MTFP1: variants seen among roughly 807,000 people sequenced by gnomAD.
MTFP1 encodes mitochondrial fission process protein 1.
A neutral mutation model predicts 17.1 loss-of-function variants in MTFP1; 19 were observed. The observed-to-expected ratio is 1.11, with a 90% CI of 0.77 to 1.63. The LOEUF (loss-of-function observed/expected upper bound fraction) is 1.63, where lower values mean the gene tolerates loss of function less well. Among genes scored for constraint, MTFP1 ranks in the 40% most tolerant of loss-of-function variants. The probability of loss-of-function intolerance (pLI) is 0.00; values close to 1 mark genes in which losing one functional copy is unlikely to be tolerated. For synonymous variants in MTFP1, 89 were observed against 95.2 expected, an observed-to-expected ratio of 0.93 and a Z score of 0.38; for missense variants, 221 against 226.2, an observed-to-expected ratio of 0.98 and a Z score of 0.15.
Position 30,426,855 on chromosome 22 carries a change from G to A in MTFP1, c.195+11G>A, listed in dbSNP as rs1934679232. ...AAGAAGGCTGGAGAGGTGAGTGTTAGCCTATTTTCCAACCCCCAACCCTAG... is the reference window on the plus strand; with the variant it reads ...AAGAAGGCTGGAGAGGTGAGTGTTAACCTATTTTCCAACCCCCAACCCTAG... On this transcript the variant is annotated intron_variant, in intron 2 of 3. Transcript: ENST00000266263. 4.4e-6 allele frequency: 7 copies of A among 1,607,336 alleles called. No individual in the cohort carries two copies. The highest frequency in any genetic ancestry group is 1.7e-5 in the Admixed American group (1 of 60,020).
intron 3 of MTFP1, 79 bp downstream of exon 3, chr22:30,427,482 A>C: frequency 6.8e-7 from 1 of 1,460,652 alleles, no homozygotes; most frequent in Non-Finnish European, 9.5e-7. Context: ...GTAGAGCTAG[A>C]CTCTGTGAAG....
intron 1 of MTFP1, 42 bp downstream of exon 1, chr22:30,425,988 G>T (rs1243442951): frequency 6.9e-7 from 1 of 1,450,286 alleles, no homozygotes; most frequent in Non-Finnish European, 9.1e-7. Flanking sequence ...ACCACCACTG[G>T]GCTGGAGAAG....
chr22:30,428,110 C>T (rs1469532757), intron 3 of MTFP1, among the ~76,000 whole-genome samples: 3 of 152,176 alleles, frequency 2.0e-5, no homozygotes, highest in African/African-American at 4.8e-5. Context: ...GCTTGGGTCA[C>T]GTGCTTGGTC....
Position 30,425,792 on chromosome 22 carries a change from T to C in MTFP1, c.-88T>C, listed in dbSNP as rs1601795055. ...CCTTCGGCGCGGGACTTTCGGCGGG[T>C]CCCGGCCGGGCAGACCCAAGTGCCG... On this transcript the variant is annotated 5_prime_UTR_variant, in exon 1 of 4. Transcript: ENST00000266263. 1 of 1,351,642 alleles carries C rather than the reference T, an allele frequency of 7.4e-7. No homozygotes were observed. The highest frequency in any genetic ancestry group is 9.8e-7 in the Non-Finnish European group (1 of 1,022,624). 83.7% of individuals were successfully genotyped at this position (1,351,642 alleles called of 1,614,324 possible). A position where few individuals can be genotyped will look rare whatever the true frequency, so the allele number is the denominator to read the frequency against.
chr22:30,428,587 C>T lies in MTFP1; in HGVS notation c.*53C>T. The T allele has an allele frequency of 1.2e-6, 2 of 1,614,204 alleles. No individual in the cohort carries two copies. The highest frequency in any genetic ancestry group is 1.7e-6 in the Non-Finnish European group (2 of 1,180,022). On this transcript the variant is annotated 3_prime_UTR_variant, in exon 4 of 4. Transcript: ENST00000266263. The stretch of plus-strand genomic sequence containing the variant: ...CGGCCTCCTGCTTCATGTCAACCTC[C>T]TACTCCTGCCAGGGAATGTGGACAC...
At chr22:30,427,069 A>G (rs1457407875) in intron 2 of MTFP1, 102 bp from the exon 3 acceptor site, 4 of 1,422,532 alleles carry the variant, frequency 2.8e-6, no homozygotes, top group Non-Finnish European at 4.0e-6. Context: ...GGGTGCGGAC[A>G]AGTCCACTGG....
At position 30,425,870 on chromosome 22, in the gene MTFP1, C is replaced by G. The variant is rs1443132419; in HGVS notation, c.-10C>G. 1 of 1,531,992 alleles carries G rather than the reference C, an allele frequency of 6.5e-7. No individual in the cohort carries two copies. The highest frequency in any genetic ancestry group is 8.8e-7 in the Non-Finnish European group (1 of 1,140,310). 94.9% of individuals were successfully genotyped at this position (1,531,992 alleles called of 1,614,324 possible). ...CCGGCTGTAGTGGCCGGGGCCGTGG[C>G]GGGAGAGTCATGTCAGAGCCGCAGC... is the stretch of plus-strand genomic sequence containing the variant. On this transcript the variant is annotated 5_prime_UTR_variant, in exon 1 of 4. Transcript: ENST00000266263.
chr22:30,428,501 C>A lies in MTFP1; in HGVS notation c.468C>A (p.Leu156=). The A allele has an allele frequency of 1.2e-6, 2 of 1,614,198 alleles. No individual in the cohort carries two copies. The highest frequency in any genetic ancestry group is 1.7e-6 in the Non-Finnish European group (2 of 1,180,034). The change falls in exon 4 of 4, where the codon CTC becomes CTA. Residue 156 remains leucine (L), a synonymous_variant. Transcript: ENST00000266263. ...TCCTGGACTCCAGCCTGCGCAAGCT[C>A]TACCCAACAGTGGGGAAGCCCAGCT... ...DFLLDSSLRK[L]YPTVGKPSSS
At position 30,428,526 on chromosome 22, in the gene MTFP1, T is replaced by A. The variant is rs759335289; in HGVS notation, c.493T>A (p.Ser165Thr). The A allele has an allele frequency of 6.2e-7, 1 of 1,614,142 alleles. No homozygotes were observed. ...CTACCCAACAGTGGGGAAGCCCAGC[T>A]CCTCCTGATCATACTCTGGTACCTG... is the stretch of plus-strand genomic sequence containing the variant. ...KLYPTVGKPS[S>T]S is the part of the protein sequence containing the mutation. Residue 165 changes from serine (S) to threonine (T), a missense_variant, in exon 4 of 4, where the codon TCC (serine) becomes ACC (threonine). Coordinates refer to ENST00000266263, the MANE Select transcript of MTFP1 (RefSeq NM_016498.5).
intron 2 of MTFP1, 76 bp downstream of exon 2, chr22:30,426,920 A>G: frequency 6.3e-7 from 1 of 1,590,128 alleles, no homozygotes; most frequent in Non-Finnish European, 8.5e-7. Flanking sequence ...CTTGCATGTG[A>G]TAAAGTCCCT....
Position 30,425,915 on chromosome 22 carries a change from T to C in MTFP1, c.36T>C (p.Asp12=), listed in dbSNP as rs1250771762. 6.5e-7 allele frequency: 1 copy of C among 1,534,440 alleles called. No homozygotes were observed. The highest frequency in any genetic ancestry group is 2.6e-5 in the East Asian group (1 of 39,012). ...CGCAGCCGCGGGGCGCAGAGCGCGA[T>C]CTCTACCGGGACACGTGGGTGCGAT... is the stretch of plus-strand genomic sequence containing the variant. ...SEPQPRGAER[D]LYRDTWVRYL... The change falls in exon 1 of 4, where the codon GAT becomes GAC. Residue 12 remains aspartate, a synonymous_variant. Coordinates refer to ENST00000266263, the MANE Select transcript of MTFP1 (RefSeq NM_016498.5).
rs1285920705 is a variant in MTFP1 at position 30,426,702 on chromosome 22, T to G, written c.68-15T>G. 6.2e-7 allele frequency: 1 copy of G among 1,613,560 alleles called. No individual in the cohort carries two copies. The highest frequency in any genetic ancestry group is 1.1e-5 in the South Asian group (1 of 90,956). On this transcript the variant is annotated splice_polypyrimidine_tract_variant and intron_variant, in intron 1 of 3. Coordinates refer to ENST00000266263, the MANE Select transcript of MTFP1 (RefSeq NM_016498.5). Reference sequence around the variant, plus strand: ...AACAGTTGCGAGCCTAGGAATTAAATGTTCCCTCCCCCAGGCTATGCCAAT... The same window carrying G: ...AACAGTTGCGAGCCTAGGAATTAAAGGTTCCCTCCCCCAGGCTATGCCAAT...
At chr22:30,428,371 A>C in intron 3 of MTFP1, 91 bp from the exon 4 acceptor site, 1 of 1,093,002 alleles carries the variant, frequency 9.1e-7, no homozygotes, top group Non-Finnish European at 1.3e-6. Context: ...TCCTGCATCT[A>C]AGCGCCCCTT....
chr22:30,427,469 C>T, intron 3 of MTFP1, 66 bp downstream of exon 3: 1 of 1,490,912 alleles, frequency 6.7e-7, no homozygotes, highest in South Asian at 1.1e-5. Context: ...ATCCAGTCTC[C>T]AGGTAGAGCT....
At chr22:30,426,161 G>A (rs1601795418) in intron 1 of MTFP1, among the ~76,000 whole-genome samples, 1 of 152,238 alleles carries the variant, frequency 6.6e-6, no homozygotes, top group Non-Finnish European at 1.5e-5. Context: ...TGGGGTGAGC[G>A]GGCTGCCCGC....
At position 30,425,789 on chromosome 22, in the gene MTFP1, G is replaced by A. The variant is rs534980774; in HGVS notation, c.-91G>A. 9.0e-6 allele frequency: 12 copies of A among 1,326,058 alleles called. No homozygotes were observed. The highest frequency in any genetic ancestry group is 9.0e-5 in the South Asian group (6 of 67,016). 82.1% of individuals were successfully genotyped at this position (1,326,058 alleles called of 1,614,324 possible). On this transcript the variant is annotated 5_prime_UTR_variant, in exon 1 of 4. Transcript: ENST00000266263. ...TGTCCTTCGGCGCGGGACTTTCGGC[G>A]GGTCCCGGCCGGGCAGACCCAAGTG...
At position 30,428,732 on chromosome 22, in the gene MTFP1, C is replaced by T. The variant is rs749113554; in HGVS notation, c.*198C>T. 2.1e-5 allele frequency: 32 copies of T among 1,515,066 alleles called. No homozygotes were observed. Among genetic ancestry groups the T allele is most frequent in the Middle Eastern group, 3.4e-4 (2 of 5,844 alleles). 93.9% of individuals were successfully genotyped at this position (1,515,066 alleles called of 1,614,324 possible). A position where few individuals can be genotyped will look rare whatever the true frequency, so the allele number is the denominator to read the frequency against. On this transcript the variant is annotated 3_prime_UTR_variant, in exon 4 of 4. Transcript: ENST00000266263. Reference sequence around the variant, plus strand: ...GAGTCACAGAAGGGCAGGACCTGAACGCTGTCTGCTTCCCTGGAATCCAAG... The same window carrying T: ...GAGTCACAGAAGGGCAGGACCTGAATGCTGTCTGCTTCCCTGGAATCCAAG...
rs1169685403 is a variant in MTFP1, at chr22:30,425,934, G to A, written c.55G>A (p.Val19Met). 2.0e-5 allele frequency: 31 copies of A among 1,528,574 alleles called. No individual in the cohort carries two copies. In the Middle Eastern group the frequency reaches 5.8e-4, roughly 28 times the overall value. The allele number at this position is 1,528,574 out of a possible 1,614,324, so 94.7% of individuals were successfully genotyped here. A position where few individuals can be genotyped will look rare whatever the true frequency, so the allele number is the denominator to read the frequency against. The change falls in exon 1 of 4, where the codon GTG becomes ATG. Residue 19 changes from valine (V) to methionine (M), a missense_variant. By Grantham distance (21) the Val-to-Met change is conservative (BLOSUM62 1). Transcript: ENST00000266263. ...AERDLYRDTW[V>M]RYLGYANEVG... ...GCGCGATCTCTACCGGGACACGTGG[G>A]TGCGATACCTGGGTGAGCGCGGGGC...
chr22:30,427,436 C>T (rs1569217090), intron 3 of MTFP1, 33 bp downstream of exon 3: 1 of 1,584,456 alleles, frequency 6.3e-7, no homozygotes, highest in East Asian at 2.2e-5. Flanking sequence ...GGATCATCCA[C>T]TCTCCAGTGA....
Sources: gnomAD v4.1 joint callset for allele counts (sites outside exome capture counted in the v4.1 genomes callset) on GRCh38, gnomAD v4.1.1 for gene constraint, MANE v1.5 for transcripts, NCBI Gene and HGNC (gene_info 2026-07-23, HGNC 2026-07-21) for gene names.